The following HAX1 variants were observed in gnomAD, a reference collection of about 807,000 sequenced individuals.
The protein encoded by HAX1 is HCLS1 associated protein X-1.
In HAX1, 27 loss-of-function variants were observed where a neutral mutation model predicts 31.1. That is an observed-to-expected ratio of 0.87 (90% CI 0.64 to 1.20). The LOEUF is 1.20. Ranked by LOEUF, HAX1 falls within the 50% of genes most tolerant of loss-of-function variation. HAX1 has a pLI of 0.00. For synonymous variants in HAX1, 114 were observed against 124.1 expected (o/e 0.92, Z 0.54); for missense variants, 357 against 361.6 (o/e 0.99, Z 0.10).
chr1:154,273,676 C>G (rs1338241844), intron 2 of HAX1, 78 bp downstream of exon 2: 1 of 1,589,966 alleles, frequency 6.3e-7, no homozygotes, highest in South Asian at 1.1e-5. Flanking sequence ...CAGGGAGTAG[C>G]TGGGGGATGG....
chr1:154,275,682 G>A lies in HAX1; in HGVS notation c.821G>A (p.Arg274His), dbSNP rs1188252134. 1 of 1,613,502 alleles carries A rather than the reference G, an allele frequency of 6.2e-7. No individual in the cohort carries two copies. The highest frequency in any genetic ancestry group is 8.5e-7 in the Non-Finnish European group (1 of 1,179,494). ...AFSILDLFLG[R>H]WFRSR is the part of the protein sequence containing the mutation. ...TCCATCCTGGACTTATTCCTGGGAC[G>A]TTGGTTCCGGTCCCGGTAGCCTTGT... The change falls in exon 7 of 7, where the codon CGT becomes CAT. Residue 274 changes from arginine to histidine, a missense_variant. Physicochemically the swap from Arg to His is conservative, Grantham distance 29 (BLOSUM62 0). Transcript: ENST00000328703.
chr1:154,272,892 A>T, intron 1 of HAX1, 116 bp downstream of exon 1: 1 of 908,366 alleles, frequency 1.1e-6, no homozygotes, highest in Non-Finnish European at 1.8e-6. Context: ...TGCAGAGAGG[A>T]CAGAAGTCGC....
Position 154,273,759 on chromosome 1 carries a change from G to A in HAX1, c.317-15G>A, listed in dbSNP as rs1558251693. ...TCCTTTCCCATCCCAGCAAACACCTGCCACCTTTCTGCAGAACTTCCAGGT... is the reference window on the plus strand; with the variant it reads ...TCCTTTCCCATCCCAGCAAACACCTACCACCTTTCTGCAGAACTTCCAGGT... On this transcript the variant is annotated splice_polypyrimidine_tract_variant and intron_variant, in intron 2 of 6. Transcript: ENST00000328703. 6.2e-7 allele frequency: 1 copy of A among 1,614,122 alleles called. No homozygotes were observed. The highest frequency in any genetic ancestry group is 8.5e-7 in the Non-Finnish European group (1 of 1,179,994).
chr1:154,274,625 A>G (rs557312026), intron 3 of HAX1, among the ~76,000 whole-genome samples: 1 of 152,156 alleles, frequency 6.6e-6, no homozygotes, highest in East Asian at 1.9e-4. Context: ...TCTGTTTTCT[A>G]TATTAAGCTT....
chr1:154,274,525 G>A (rs1458297324), intron 3 of HAX1, among the ~76,000 whole-genome samples: 3 of 152,186 alleles, frequency 2.0e-5, no homozygotes, highest in East Asian at 1.9e-4. Context: ...GGAATTACAA[G>A]TGTGAGCCAT....
At position 154,275,784 on chromosome 1, in the gene HAX1, C is replaced by G. The variant is rs974387986; in HGVS notation, c.*83C>G. On this transcript the variant is annotated 3_prime_UTR_variant, in exon 7 of 7. Transcript: ENST00000328703. ...TTAATAAGCTTAGCTTCTCTTGCCA[C>G]CTCAGGGGCTTGGATATGTGGAATA... The G allele has an allele frequency of 1.1e-6, 1 of 908,812 alleles. No homozygotes were observed. Among genetic ancestry groups the G allele is most frequent in the Non-Finnish European group, 1.8e-6 (1 of 549,908 alleles). 56.3% of individuals were successfully genotyped at this position (908,812 alleles called of 1,614,324 possible).
chr1:154,273,149 TTA>T, intron 1 of HAX1, 185 bp from the exon 2 acceptor site: 1 of 625,556 alleles, frequency 1.6e-6, no homozygotes, highest in Non-Finnish European at 2.7e-6. Context: ...CTGACTTTGA[TTA>T]AAAAAAAAAA....
At position 154,273,411 on chromosome 1, in the gene HAX1, A is replaced by C. The variant is rs545881896; in HGVS notation, c.129A>C (p.Ser43=). 8 of 1,614,104 alleles carry C rather than the reference A, an allele frequency of 5.0e-6. No individual in the cohort carries two copies. The South Asian group carries it at 7.7e-5, about 16-fold the overall frequency. Residue 43 remains serine (S), a synonymous_variant, in exon 2 of 7, where the codon TCA becomes TCC. Coordinates refer to ENST00000328703, the MANE Select transcript of HAX1 (RefSeq NM_006118.4). ...AGGAAGAAGAAGAAGAAGGGGGCTC[A>C]TGGGGCCGTGGGAACCCAAGGTTCC... is the stretch of plus-strand genomic sequence containing the variant. The part of the protein sequence containing the change: ...DDEEEEEEGG[S]WGRGNPRFHS...
Position 154,273,426 on chromosome 1 carries a change from C to T in HAX1, c.144C>T (p.Asn48=), listed in dbSNP as rs11556345. 2 of 1,614,110 alleles carry T rather than the reference C, an allele frequency of 1.2e-6. No individual in the cohort carries two copies. Among genetic ancestry groups the T allele is most frequent in the African/African-American group, 1.3e-5 (1 of 75,002 alleles). The change falls in exon 2 of 7, where the codon AAC becomes AAT. Residue 48 remains asparagine, a synonymous_variant. Transcript: ENST00000328703. The stretch of plus-strand genomic sequence containing the variant: ...AAGGGGGCTCATGGGGCCGTGGGAA[C>T]CCAAGGTTCCATAGTCCTCAGCACC... ...EEEGGSWGRG[N]PRFHSPQHPP... is the part of the protein sequence containing the mutation.
chr1:154,275,328 G>A, intron 5 of HAX1, 65 bp from the exon 6 acceptor site: 2 of 1,567,406 alleles, frequency 1.3e-6, no homozygotes, highest in Non-Finnish European at 1.8e-6. Flanking sequence ...AGGGATCTGT[G>A]TAAAGAAACT....
At position 154,275,599 on chromosome 1, in the gene HAX1, A is replaced by G. The variant is rs1340919449; in HGVS notation, c.755-17A>G. 1 of 1,605,342 alleles carries G rather than the reference A, an allele frequency of 6.2e-7. No individual in the cohort carries two copies. The highest frequency in any genetic ancestry group is 1.3e-5 in the African/African-American group (1 of 74,856). Reference sequence around the variant, plus strand: ...TCTTTCATTTAGCCTATTTACGTGTATGACTTTCTTCCTTAGATCCAGAAT... The same window carrying G: ...TCTTTCATTTAGCCTATTTACGTGTGTGACTTTCTTCCTTAGATCCAGAAT... On this transcript the variant is annotated splice_polypyrimidine_tract_variant and intron_variant, in intron 6 of 6. Transcript: ENST00000328703.
In HAX1 at chr1:154,274,990, G is replaced by A; in HGVS notation, c.545G>A (p.Arg182Lys). The A allele has an allele frequency of 1.2e-6, 2 of 1,610,982 alleles. No individual in the cohort carries two copies. The highest frequency in any genetic ancestry group is 1.7e-6 in the Non-Finnish European group (2 of 1,177,118). The change falls in exon 4 of 7, where the codon AGA (arginine) becomes AAA (lysine). Residue 182 changes from arginine to lysine, a missense_variant. Physicochemically the swap from Arg to Lys is conservative, Grantham distance 26 (BLOSUM62 2). Transcript: ENST00000328703. ...CCTATGGACCCCCATCCTAGAACCA[G>A]AGAGGACAATGGTAAGTCTGGAGGA... ...VWPMDPHPRT[R>K]EDNDLDSQVS...
intron 4 of HAX1, 45 bp from the exon 5 acceptor site, chr1:154,275,109 T>C: frequency 6.8e-7 from 1 of 1,474,982 alleles, no homozygotes; most frequent in Non-Finnish European, 9.5e-7. Flanking sequence ...CCTTTTTTCC[T>C]TTGGACTCTT....
At chr1:154,274,045 C>G in intron 3 of HAX1, 84 bp downstream of exon 3, 1 of 1,266,936 alleles carries the variant, frequency 7.9e-7, no homozygotes, top group Non-Finnish European at 1.2e-6. Flanking sequence ...CGGTGGCTCA[C>G]GCCTGTAATC....
At chr1:154,272,909 G>T in intron 1 of HAX1, 133 bp downstream of exon 1, 1 of 773,526 alleles carries the variant, frequency 1.3e-6, no homozygotes, top group South Asian at 1.6e-5. Context: ...TCGCAACATT[G>T]AACACTCACC....
chr1:154,275,494 A>G lies in HAX1; in HGVS notation c.754+11A>G. Reference sequence around the variant, plus strand: ...GCAGTCCTAGGGGTGGTAAGTTAAAAGACAAAGGGGTTCATCTCAAGATTC... The same window carrying G: ...GCAGTCCTAGGGGTGGTAAGTTAAAGGACAAAGGGGTTCATCTCAAGATTC... On this transcript the variant is annotated intron_variant, in intron 6 of 6. Coordinates refer to ENST00000328703, the MANE Select transcript of HAX1 (RefSeq NM_006118.4). 1 of 1,609,034 alleles carries G rather than the reference A, an allele frequency of 6.2e-7. No homozygotes were observed. Among genetic ancestry groups the G allele is most frequent in the Non-Finnish European group, 8.5e-7 (1 of 1,175,338 alleles).
chr1:154,274,935 T>A lies in HAX1; in HGVS notation c.505-15T>A. On this transcript the variant is annotated splice_polypyrimidine_tract_variant and intron_variant, in intron 3 of 6. Coordinates refer to ENST00000328703, the MANE Select transcript of HAX1 (RefSeq NM_006118.4). Reference sequence around the variant, plus strand: ...TTGGAAGGAGTCTTTTCACTTACTATGGTTTCTTCTGCAGTTTGATGATGT... The same window carrying A: ...TTGGAAGGAGTCTTTTCACTTACTAAGGTTTCTTCTGCAGTTTGATGATGT... 6.3e-7 allele frequency: 1 copy of A among 1,599,342 alleles called. No individual in the cohort carries two copies. Among genetic ancestry groups the A allele is most frequent in the Non-Finnish European group, 8.6e-7 (1 of 1,166,560 alleles).
rs1684863125 is a variant in HAX1 at position 154,273,448 on chromosome 1, C to T, written c.166C>T (p.His56Tyr). 1 of 1,614,140 alleles carries T rather than the reference C, an allele frequency of 6.2e-7. No homozygotes were observed. Among genetic ancestry groups the T allele is most frequent in the Non-Finnish European group, 8.5e-7 (1 of 1,180,012 alleles). ...GAACCCAAGGTTCCATAGTCCTCAG[C>T]ACCCCCCTGAGGAATTTGGCTTCGG... Reference protein sequence around the residue: ...RGNPRFHSPQHPPEEFGFGFS... With the variant: ...RGNPRFHSPQYPPEEFGFGFS... Residue 56 changes from histidine (H) to tyrosine (Y), a missense_variant, in exon 2 of 7, where the codon CAC (histidine) becomes TAC (tyrosine). Coordinates refer to ENST00000328703, the MANE Select transcript of HAX1 (RefSeq NM_006118.4).
Position 154,275,387 on chromosome 1 carries a change from T to G in HAX1, c.664-6T>G. ...TTCGGAATATGGTGGGGACTTCTCT[T>G]TGTAGATAGTGGAGGAGCGCCGGAC... is the stretch of plus-strand genomic sequence containing the variant. On this transcript the variant is annotated splice_polypyrimidine_tract_variant and splice_region_variant and intron_variant, in intron 5 of 6. Transcript: ENST00000328703. 1 of 1,613,280 alleles carries G rather than the reference T, an allele frequency of 6.2e-7. No individual in the cohort carries two copies. Among genetic ancestry groups the G allele is most frequent in the Non-Finnish European group, 8.5e-7 (1 of 1,179,240 alleles).
Sources: allele counts gnomAD v4.1 joint callset (sites outside exome capture counted in the v4.1 genomes callset), GRCh38; gene constraint gnomAD v4.1.1; transcripts MANE v1.5; gene names NCBI Gene and HGNC (gene_info 2026-07-23, HGNC 2026-07-21).